OMA1: variants seen among roughly 807,000 people sequenced by gnomAD.
OMA1 encodes metalloendopeptidase OMA1, mitochondrial.
Under a neutral mutation model 30.9 loss-of-function variants are expected in OMA1, and 38 were observed. That is an observed-to-expected ratio of 1.23 (90% confidence interval 0.95 to 1.61). OMA1 has a LOEUF of 1.61. OMA1 is among the 40% of genes most tolerant of loss of function. The probability of loss-of-function intolerance (pLI) is 0.00; values close to 1 mark genes in which losing one functional copy is unlikely to be tolerated. For missense variants in OMA1, 461 were observed against 349.2 expected (o/e 1.32, Z -2.55); for synonymous variants, 173 against 121.9 (o/e 1.42, Z -2.76).
At chr1:58,492,787 C>G (rs1188483963) in intron 8 of OMA1, among the ~76,000 whole-genome samples, 1 of 151,922 alleles carries the variant, frequency 6.6e-6, no homozygotes, top group South Asian at 2.1e-4. Context: ...GCTTACCAAC[C>G]AAAAAAAGTC....
intron 1 of OMA1, among the ~76,000 whole-genome samples, chr1:58,542,777 C>T (rs7544780): frequency 1.5e-3 from 225 of 152,178 alleles, no homozygotes; most frequent in Non-Finnish European, 2.3e-3. Context: ...CTTACAGCCT[C>T]ATTTTAGGGG....
intron 8 of OMA1, among the ~76,000 whole-genome samples, chr1:58,483,808 C>G (rs527844919): frequency 6.6e-6 from 1 of 152,192 alleles, no homozygotes; most frequent in East Asian, 1.9e-4. Flanking sequence ...AAAATTGGGA[C>G]GTACGGTCAC....
intron 7 of OMA1, among the ~76,000 whole-genome samples, chr1:58,519,573 G>A (rs946888107): frequency 2.0e-5 from 3 of 151,642 alleles, no homozygotes; most frequent in Admixed American, 2.0e-4. Context: ...GAATACCTCT[G>A]ATGGAAAAAA....
chr1:58,510,731 C>T (rs1646061778), intron 7 of OMA1, among the ~76,000 whole-genome samples: 1 of 151,620 alleles, frequency 6.6e-6, no homozygotes, highest in Non-Finnish European at 1.5e-5. Context: ...AGACTCCACA[C>T]ACACAAAAAA....
intron 2 of OMA1, among the ~76,000 whole-genome samples, chr1:58,537,573 T>C (rs968047343): frequency 6.6e-6 from 1 of 152,208 alleles, no homozygotes; most frequent in African/African-American, 2.4e-5. Context: ...CAGAAACATT[T>C]TGACAACAAG....
At position 58,506,147 on chromosome 1, in the gene OMA1, C is replaced by A. The variant is rs372478566; in HGVS notation, c.1278G>T (p.Leu426=). ...FWQQMEFVDS[L]HGQPKMPEWL... ...ATTCTGGCATCTTGGGTTGGCCATG[C>A]AGGCTATCAACGAACTCCATTTGCT... The change falls in exon 8 of 9, where the codon CTG becomes CTT. Residue 426 remains leucine (L), a synonymous_variant. Transcript: ENST00000371226. 1 of 872,392 alleles carries A rather than the reference C, an allele frequency of 1.1e-6. No homozygotes were observed. Among genetic ancestry groups the A allele is most frequent in the Non-Finnish European group, 2.0e-6 (1 of 501,250 alleles). The allele number at this position is 872,392 out of a possible 1,614,324, so 54.0% of individuals were successfully genotyped here. A position where few individuals can be genotyped will look rare whatever the true frequency, so the allele number is the denominator to read the frequency against.
intron 8 of OMA1, among the ~76,000 whole-genome samples, chr1:58,501,778 G>T (rs1645910230): frequency 6.6e-6 from 1 of 152,146 alleles, no homozygotes; most frequent in African/African-American, 2.4e-5. Flanking sequence ...ATATTTTGAA[G>T]TCCCAACCTC....
At chr1:58,485,101 TGGCA>T (rs1255432626) in intron 8 of OMA1, among the ~76,000 whole-genome samples, 4 of 152,064 alleles carry the variant, frequency 2.6e-5, no homozygotes, top group Admixed American at 1.3e-4. Flanking sequence ...ATTATCACTC[TGGCA>T]TGGGATTTTG....
intron 8 of OMA1, among the ~76,000 whole-genome samples, chr1:58,495,872 G>C (rs780721982): frequency 2.0e-5 from 3 of 152,158 alleles, no homozygotes; most frequent in Non-Finnish European, 2.9e-5. Flanking sequence ...GAAAGGTCCA[G>C]AGTCATTCTT....
intron 1 of OMA1, among the ~76,000 whole-genome samples, chr1:58,541,879 T>C (rs1646627278): frequency 6.6e-6 from 1 of 152,150 alleles, no homozygotes; most frequent in Non-Finnish European, 1.5e-5. Context: ...CAGCAATCAT[T>C]GTATCTCAGT....
chr1:58,519,075 C>A (rs1346672247), intron 7 of OMA1, among the ~76,000 whole-genome samples: 3 of 152,158 alleles, frequency 2.0e-5, no homozygotes, highest in African/African-American at 7.2e-5. Context: ...GATTACCCCA[C>A]ACTGCAGAGA....
At chr1:58,518,844 C>T (rs369961588) in intron 7 of OMA1, among the ~76,000 whole-genome samples, 79 of 152,070 alleles carry the variant, frequency 5.2e-4, no homozygotes, top group Middle Eastern at 3.4e-3. Flanking sequence ...TTAAAAGACA[C>T]GAGCTCTAAG....
At chr1:58,488,970 AGAT>A (rs1310399878) in intron 8 of OMA1, among the ~76,000 whole-genome samples, 1 of 152,260 alleles carries the variant, frequency 6.6e-6, no homozygotes, top group Non-Finnish European at 1.5e-5. Flanking sequence ...GCTGGAGCCA[AGAT>A]GGCCAAATAG....
chr1:58,543,326 C>T (rs1470148233), intron 1 of OMA1, among the ~76,000 whole-genome samples: 2 of 152,322 alleles, frequency 1.3e-5, no homozygotes, highest in Non-Finnish European at 2.9e-5. Flanking sequence ...TCCTCCTACA[C>T]TTTGCAAAGC....
rs1010370230 is a variant in OMA1, at chr1:58,536,678, T to C, written c.564A>G (p.Ile188Met). The change falls in exon 3 of 9, where the codon ATA becomes ATG. Residue 188 changes from isoleucine (I) to methionine (M), a missense_variant. Physicochemically the swap from Ile to Met is conservative, Grantham distance 10. Transcript: ENST00000371226. ...GGAATAGCTTCCATTTATTCTTCCTTATATTTTCTTTAACTACTTCCTTCT... is the reference window on the plus strand; with the variant it reads ...GGAATAGCTTCCATTTATTCTTCCTCATATTTTCTTTAACTACTTCCTTCT... ...PNKKEVVKEN[I>M]RKNKWKLFLG... is the part of the protein sequence containing the mutation. The C allele has an allele frequency of 6.9e-6, 6 of 872,784 alleles. No individual in the cohort carries two copies. The highest frequency in any genetic ancestry group is 1.0e-5 in the Non-Finnish European group (5 of 501,602). The allele number at this position is 872,784 out of a possible 1,614,324, so 54.1% of individuals were successfully genotyped here.
At chr1:58,520,182 AC>A (rs1163458958) in intron 7 of OMA1, among the ~76,000 whole-genome samples, 1 of 152,144 alleles carries the variant, frequency 6.6e-6, no homozygotes, top group Non-Finnish European at 1.5e-5. Flanking sequence ...TCATTTGTAC[AC>A]CAAATCTTAG....
At chr1:58,537,572 T>C (rs1446362101) in intron 2 of OMA1, among the ~76,000 whole-genome samples, 1 of 152,208 alleles carries the variant, frequency 6.6e-6, no homozygotes, top group African/African-American at 2.4e-5. Flanking sequence ...TCAGAAACAT[T>C]TTGACAACAA....
intron 7 of OMA1, among the ~76,000 whole-genome samples, chr1:58,517,230 A>G (rs1352492943): frequency 6.6e-6 from 1 of 152,140 alleles, no homozygotes; most frequent in East Asian, 1.9e-4. Context: ...CAAAGTCCTG[A>G]CCCCTATGCT....
At chr1:58,544,608 T>C (rs934615872) in intron 1 of OMA1, among the ~76,000 whole-genome samples, 1 of 152,208 alleles carries the variant, frequency 6.6e-6, no homozygotes, top group African/African-American at 2.4e-5. Flanking sequence ...TCTTTTCTTT[T>C]CGAGACAGGG....
Sources: allele counts gnomAD v4.1 joint callset (sites outside exome capture counted in the v4.1 genomes callset), GRCh38; gene constraint gnomAD v4.1.1; transcripts MANE v1.5; gene names NCBI Gene and HGNC (gene_info 2026-07-23, HGNC 2026-07-21).